Variants in ACOT12 observed in about 807,000 individuals in gnomAD.
ACOT12 encodes the protein acetyl-coenzyme A thioesterase.
A neutral mutation model predicts 67.7 loss-of-function variants in ACOT12; 51 were observed. The observed-to-expected ratio is 0.75, with a 90% CI of 0.60 to 0.95. The LOEUF (loss-of-function observed/expected upper bound fraction) is 0.95, where lower values mean the gene tolerates loss of function less well. Ranked by LOEUF, ACOT12 falls within the 40% of genes least tolerant of loss-of-function variation. ACOT12 has a pLI of 0.00. For synonymous variants in ACOT12, 251 were observed against 244.6 expected (o/e 1.03, Z -0.24); for missense variants, 734 against 708.1 (o/e 1.04, Z -0.41).
chr5:81,379,432 A>G (rs1760515015), intron 2 of ACOT12, among the ~76,000 whole-genome samples: 1 of 152,276 alleles, frequency 6.6e-6, no homozygotes, highest in East Asian at 1.9e-4. Context: ...ATACCTATGT[A>G]ACAAACCTGC....
chr5:81,310,294 G>A, the ACOT12 span, among the ~76,000 whole-genome samples: 4 of 151,872 alleles, frequency 2.6e-5, no homozygotes, highest in Admixed American at 6.6e-5. Flanking sequence ...GGCTTTCTGC[G>A]ATTTGTTTTA....
the ACOT12 span, among the ~76,000 whole-genome samples, chr5:81,318,232 C>A: frequency 1.3e-5 from 2 of 152,082 alleles, no homozygotes; most frequent in Admixed American, 6.6e-5. Context: ...GGTAGGGAAT[C>A]CAACATCATG....
chr5:81,343,970 T>C (rs1759289478), intron 9 of ACOT12, 89 bp from the exon 10 acceptor site: 1 of 1,326,688 alleles, frequency 7.5e-7, no homozygotes. Flanking sequence ...TGAACTTCTA[T>C]CAGCCATGGA....
the ACOT12 span, among the ~76,000 whole-genome samples, chr5:81,309,741 C>A: frequency 6.6e-6 from 1 of 152,180 alleles, no homozygotes; most frequent in Non-Finnish European, 1.5e-5. Context: ...CTTTGGCCAA[C>A]TACCAAACTC....
At chr5:81,322,448 ACT>A in the ACOT12 span, among the ~76,000 whole-genome samples, 2 of 118,818 alleles carry the variant, frequency 1.7e-5, no homozygotes, top group Admixed American at 2.0e-4. Context: ...CAAGAGGGAA[ACT>A]CTGTCTCAAA....
intron 3 of ACOT12, among the ~76,000 whole-genome samples, chr5:81,371,500 G>C (rs1760251785): frequency 6.6e-6 from 1 of 151,914 alleles, no homozygotes; most frequent in South Asian, 2.1e-4. Context: ...TGATCTTCCT[G>C]TCTCAGCCTC....
downstream of ACOT12, among the ~76,000 whole-genome samples, chr5:81,326,117 C>CTTTTT (rs1199895738): frequency 6.6e-3 from 511 of 77,098 alleles, 6 homozygotes; most frequent in Middle Eastern, 0.015. Flanking sequence ...CCCTGAGATT[C>CTTTTT]TTTTTTTTTT....
At chr5:81,373,655 C>A (rs569876888) in intron 2 of ACOT12, among the ~76,000 whole-genome samples, 254 of 152,272 alleles carry the variant, frequency 1.7e-3, no homozygotes, top group African/African-American at 5.9e-3. Flanking sequence ...AGTCTGAGAT[C>A]AAACTAGGAT....
At chr5:81,377,800 A>G (rs566652485) in intron 2 of ACOT12, among the ~76,000 whole-genome samples, 1 of 152,356 alleles carries the variant, frequency 6.6e-6, no homozygotes, top group African/African-American at 2.4e-5. Flanking sequence ...GACCTCTTCA[A>G]GGAGAACAAC....
chr5:81,374,015 G>T (rs1260229997), intron 2 of ACOT12, among the ~76,000 whole-genome samples: 2 of 152,198 alleles, frequency 1.3e-5, no homozygotes, highest in Non-Finnish European at 2.9e-5. Context: ...CCTGAAGTGG[G>T]TCCCAGACCC....
At chr5:81,363,719 A>G in intron 4 of ACOT12, 69 bp downstream of exon 4, 1 of 1,167,712 alleles carries the variant, frequency 8.6e-7, no homozygotes, top group Non-Finnish European at 1.2e-6. Context: ...TTTTTCTATA[A>G]CATTCTGATG....
At chr5:81,309,061 A>AT in the ACOT12 span, 9,185 of 1,547,612 alleles carry the variant, frequency 5.9e-3, 60 homozygotes, top group South Asian at 0.02. Flanking sequence ...ACCCTCATAT[A>AT]GCAGAAATGG....
intron 11 of ACOT12, among the ~76,000 whole-genome samples, chr5:81,336,731 A>G (rs77882483): frequency 0.014 from 2,080 of 152,304 alleles, 43 homozygotes; most frequent in African/African-American, 0.048. Flanking sequence ...TTGCTACCTT[A>G]TAACCATTCC....
chr5:81,386,994 C>CTTTTTTTTTTTTTTTT lies in ACOT12; in HGVS notation c.128-1169_128-1168insAAAAAAAAAAAAAAAA, dbSNP rs1052387807. On this transcript the variant is annotated intron_variant, in intron 1 of 14. Coordinates refer to ENST00000307624, the MANE Select transcript of ACOT12 (RefSeq NM_130767.3). ...TCCAGACACTGAGTTGGATGAGTTC[C>CTTTTTTTTTTTTTTTT]ATTTTTTTTTTTTTTTTTTTTTTTC... Among the ~76,000 whole-genome samples, 6 of 128,480 alleles carry CTTTTTTTTTTTTTTTT rather than the reference C, an allele frequency of 4.7e-5. 1 individual carries two copies. Among genetic ancestry groups the CTTTTTTTTTTTTTTTT allele is most frequent in the African/African-American group, 3.2e-5 (1 of 30,800 alleles). The allele number at this position is 128,480 out of a possible 152,430, so 84.3% of individuals were successfully genotyped here.
At chr5:81,318,647 T>C in the ACOT12 span, among the ~76,000 whole-genome samples, 47 of 152,222 alleles carry the variant, frequency 3.1e-4, no homozygotes, top group Admixed American at 3.1e-3. Context: ...AATATGGCCA[T>C]CTTAACAATA....
rs1410755983 is a variant in ACOT12 at position 81,385,784 on chromosome 5, T to A, written c.170A>T (p.Asp57Val). ...AGCTGTCTCCTCAAACTGTATGTCA[T>A]CCACTGAGGCTGTAACGCAGGAAAC... ...AGVSCVTASV[D>V]DIQFEETARV... Residue 57 changes from aspartate (D) to valine (V), a missense_variant, in exon 2 of 15, where the codon GAT becomes GTT. By Grantham distance (152) the Asp-to-Val change is radical (BLOSUM62 -3). Coordinates refer to ENST00000307624, the MANE Select transcript of ACOT12 (RefSeq NM_130767.3). 1.9e-6 allele frequency: 3 copies of A among 1,614,068 alleles called. No individual in the cohort carries two copies. In the South Asian group the frequency reaches 3.3e-5, roughly 18 times the overall value.
intron 5 of ACOT12, among the ~76,000 whole-genome samples, chr5:81,349,626 C>T (rs1759493508): frequency 6.6e-6 from 1 of 152,160 alleles, no homozygotes. Context: ...ATCTTTCTTT[C>T]ATGGCTATAG....
chr5:81,375,323 C>T (rs966243711), intron 2 of ACOT12, among the ~76,000 whole-genome samples: 2 of 152,248 alleles, frequency 1.3e-5, no homozygotes, highest in Admixed American at 1.3e-4. Flanking sequence ...GGCTGCCTTA[C>T]GAGAGCTCCT....
chr5:81,347,225 G>A lies in ACOT12; in HGVS notation c.653+549C>T, dbSNP rs77285216. Among the ~76,000 whole-genome samples the A allele has an allele frequency of 3.7e-4, 56 of 152,164 alleles. No individual in the cohort carries two copies. In the East Asian group the frequency reaches 9.1e-3, roughly 25 times the overall value. On this transcript the variant is annotated intron_variant, in intron 6 of 14. Transcript: ENST00000307624. ...TTTGAATCCCTGGGCTCAAGTGATC[G>A]TCCCACCTCCGCCTCCCAACTAGCC...
Sources: gnomAD v4.1 joint callset for allele counts (sites outside exome capture counted in the v4.1 genomes callset) on GRCh38, gnomAD v4.1.1 for gene constraint, MANE v1.5 for transcripts, NCBI Gene and HGNC (gene_info 2026-07-23, HGNC 2026-07-21) for gene names.